Variants in PAK3 observed in about 807,000 individuals in gnomAD.
PAK3 encodes the protein serine/threonine-protein kinase PAK 3.
A neutral mutation model predicts 41.0 loss-of-function variants in PAK3; 4 were observed. The observed-to-expected ratio is 0.10, with a 90% CI of 0.05 to 0.22. The LOEUF is 0.22. PAK3 is among the 10% of genes least tolerant of loss of function. The pLI is 1.00. For synonymous variants in PAK3, 146 were observed against 139.6 expected (o/e 1.05, Z -0.32); for missense variants, 205 against 409.9 (o/e 0.50, Z 4.32).
At chrX:111,055,603 C>T in intron 1 of PAK3, among the ~76,000 whole-genome samples, 1 of 112,297 alleles carries the variant, frequency 8.9e-6, no homozygotes, top group African/African-American at 3.2e-5. Context: ...CTGTGTCAAG[C>T]CTGTGAAACC....
intron 1 of PAK3, among the ~76,000 whole-genome samples, chrX:111,051,739 G>A (rs1288316850): frequency 9.1e-6 from 1 of 110,289 alleles, no homozygotes; most frequent in Non-Finnish European, 1.9e-5. Context: ...AGAACTGCCT[G>A]GAAAAATGAA....
chrX:111,041,142 C>G (rs947713290), intron 1 of PAK3, among the ~76,000 whole-genome samples: 2 of 112,759 alleles, frequency 1.8e-5, no homozygotes, highest in Admixed American at 9.3e-5. Context: ...AAGCAGGAAG[C>G]CTTGCGGTTG....
At chrX:111,079,311 C>T (rs954500411) in intron 1 of PAK3, among the ~76,000 whole-genome samples, 21 of 112,063 alleles carry the variant, frequency 1.9e-4, no homozygotes, top group South Asian at 3.7e-4. Context: ...TAGAGGCTAA[C>T]GCAACCAGTG....
intron 1 of PAK3, among the ~76,000 whole-genome samples, chrX:110,995,594 A>G (rs1015864215): frequency 1.8e-5 from 2 of 111,468 alleles, no homozygotes; most frequent in East Asian, 2.8e-4. Context: ...GCCTCTACAC[A>G]GCAGCAAGAG....
Position 111,036,245 on chromosome X carries a change from G to A in PAK3, c.-27-86832G>A, listed in dbSNP as rs184460686. 1.2e-4 allele frequency among the ~76,000 whole-genome samples: 13 copies of A among 112,431 alleles called. No homozygotes were observed. In the East Asian group the frequency reaches 3.6e-3, roughly 32 times the overall value. ...TAGGCTTGTGGCCCCAACAACAGCT[G>A]TTTCCTCACACAAGCCCAAAGCACA... On this transcript the variant is annotated intron_variant, in intron 1 of 14. Coordinates refer to the PAK3 transcript ENST00000425146.
intron 3 of PAK3, among the ~76,000 whole-genome samples, chrX:111,099,277 G>T (rs747906768): frequency 8.9e-6 from 1 of 111,865 alleles, no homozygotes; most frequent in African/African-American, 3.3e-5. Flanking sequence ...CCTAACCGGG[G>T]GTTTAATTGG....
chrX:111,095,031 C>T (rs2148863823), upstream of PAK3, among the ~76,000 whole-genome samples: 1 of 111,143 alleles, frequency 9.0e-6, no homozygotes, highest in South Asian at 3.9e-4. Context: ...AGGACCTGGG[C>T]AGATATATTA....
At chrX:111,015,910 G>T (rs976012653) in intron 1 of PAK3, among the ~76,000 whole-genome samples, 1 of 111,994 alleles carries the variant, frequency 8.9e-6, no homozygotes, top group African/African-American at 3.2e-5. Flanking sequence ...CATTCAATGG[G>T]TTGCTCTTTC....
At chrX:111,212,790 A>G (rs1411821359) in intron 16 of PAK3, among the ~76,000 whole-genome samples, 1 of 111,560 alleles carries the variant, frequency 9.0e-6, no homozygotes, top group Non-Finnish European at 1.9e-5. Context: ...AATGTTTTGG[A>G]GGTTTTAAAA....
intron 5 of PAK3, among the ~76,000 whole-genome samples, chrX:111,125,935 G>C (rs921123678): frequency 3.6e-5 from 4 of 111,693 alleles, no homozygotes; most frequent in Non-Finnish European, 5.7e-5. Context: ...AACTGCTAAG[G>C]TGTCTTCAAA....
chrX:111,036,729 G>C (rs970206273), intron 1 of PAK3, among the ~76,000 whole-genome samples: 1 of 111,609 alleles, frequency 9.0e-6, no homozygotes, highest in Non-Finnish European at 1.9e-5. Context: ...ACGCATGAGA[G>C]TGCCCATTTG....
chrX:111,145,559 C>T (rs2093932876), intron 6 of PAK3, among the ~76,000 whole-genome samples: 1 of 111,749 alleles, frequency 8.9e-6, no homozygotes, highest in Non-Finnish European at 1.9e-5. Context: ...AGAATCATAA[C>T]TGGGATCATG....
intron 17 of PAK3, among the ~76,000 whole-genome samples, chrX:111,218,956 G>A (rs953897785): frequency 7.3e-5 from 8 of 110,064 alleles, no homozygotes; most frequent in Non-Finnish European, 1.5e-4. Context: ...TTGTGAGGCC[G>A]AGGCAGGCGG....
At chrX:110,985,548 T>C (rs1428841229) in intron 1 of PAK3, among the ~76,000 whole-genome samples, 1 of 112,362 alleles carries the variant, frequency 8.9e-6, no homozygotes, top group Non-Finnish European at 1.9e-5. Flanking sequence ...AAGATGAACC[T>C]CAGCTCAGCC....
At chrX:110,996,711 A>G (rs753497442) in intron 1 of PAK3, among the ~76,000 whole-genome samples, 1 of 111,564 alleles carries the variant, frequency 9.0e-6, no homozygotes, top group South Asian at 3.8e-4. Flanking sequence ...TAAGCATACA[A>G]TGAGATGGTG....
intron 12 of PAK3, 68 bp downstream of exon 12, chrX:111,192,243 T>C (rs2094567003): frequency 4.1e-6 from 3 of 723,074 alleles, no homozygotes; most frequent in Non-Finnish European, 6.6e-6. Flanking sequence ...TCTTCTTCGA[T>C]GGCAACTTCG....
At chrX:111,016,566 G>A (rs1304257363) in intron 1 of PAK3, among the ~76,000 whole-genome samples, 2 of 111,023 alleles carry the variant, frequency 1.8e-5, no homozygotes, top group African/African-American at 3.3e-5. Context: ...TTTGTTTTGC[G>A]ACCAGGAAGA....
intron 1 of PAK3, among the ~76,000 whole-genome samples, chrX:111,067,532 C>T (rs1042391851): frequency 2.2e-4 from 25 of 111,622 alleles, no homozygotes; most frequent in African/African-American, 6.2e-4. Flanking sequence ...AGAATTTTCA[C>T]AAGATTTGTT....
chrX:111,025,229 A>C (rs543556723), intron 1 of PAK3, among the ~76,000 whole-genome samples: 21 of 111,328 alleles, frequency 1.9e-4, no homozygotes, highest in Middle Eastern at 4.6e-3. Flanking sequence ...ATCACACCTC[A>C]CAGAACTAGA....
Sources: gnomAD v4.1 joint callset for allele counts (sites outside exome capture counted in the v4.1 genomes callset) on GRCh38, gnomAD v4.1.1 for gene constraint, MANE v1.5 for transcripts, NCBI Gene and HGNC (gene_info 2026-07-23, HGNC 2026-07-21) for gene names.